ABHD17C: variants seen among roughly 807,000 people sequenced by gnomAD.
The protein encoded by ABHD17C is abhydrolase domain containing 17C, depalmitoylase, also known as alpha/beta hydrolase domain-containing protein 17C.
In ABHD17C, 11 loss-of-function variants were observed where a neutral mutation model predicts 27.9. The observed-to-expected ratio is 0.39, with a 90% CI of 0.25 to 0.65. The LOEUF (loss-of-function observed/expected upper bound fraction) is 0.65, where lower values mean the gene tolerates loss of function less well. Among genes scored for constraint, ABHD17C ranks in the 30% least tolerant of loss-of-function variants. The pLI is 0.45. For missense variants in ABHD17C, 280 were observed against 470.2 expected, an observed-to-expected ratio of 0.60 and a Z score of 3.74; for synonymous variants, 233 against 209.1, an observed-to-expected ratio of 1.11 and a Z score of -0.98.
intron 1 of ABHD17C, among the ~76,000 whole-genome samples, chr15:80,698,219 C>T (rs1894522350): frequency 6.6e-6 from 1 of 151,956 alleles, no homozygotes; most frequent in South Asian, 2.1e-4. Flanking sequence ...CGCCCGCCAC[C>T]GCGTCCGGCT....
chr15:80,723,036 G>C (rs1325852101), intron 1 of ABHD17C, among the ~76,000 whole-genome samples: 1 of 152,146 alleles, frequency 6.6e-6, no homozygotes, highest in Non-Finnish European at 1.5e-5. Context: ...GGTTCTGCGG[G>C]GCTGACTGTG....
Position 80,754,218 on chromosome 15 carries a change from G to T in ABHD17C, c.838G>T (p.Asp280Tyr). Residue 280 changes from aspartate (D) to tyrosine (Y), a missense_variant, in exon 3 of 3, where the codon GAT (aspartate) becomes TAT (tyrosine). By Grantham distance (160) the Asp-to-Tyr change is radical (BLOSUM62 -3). Transcript: ENST00000258884. ...VIHGTEDEVI[D>Y]FSHGLAMYER... The stretch of plus-strand genomic sequence containing the variant: ...TCATGGTACAGAGGATGAGGTCATC[G>T]ATTTCTCCCATGGCCTAGCGATGTA... 6.2e-7 allele frequency: 1 copy of T among 1,613,894 alleles called. No homozygotes were observed. Among genetic ancestry groups the T allele is most frequent in the Non-Finnish European group, 8.5e-7 (1 of 1,179,864 alleles).
chr15:80,707,738 G>T (rs1894668011), intron 1 of ABHD17C, among the ~76,000 whole-genome samples: 1 of 152,114 alleles, frequency 6.6e-6, no homozygotes, highest in Non-Finnish European at 1.5e-5. Flanking sequence ...GTTTGGGAGG[G>T]TCAGGGTTTT....
Position 80,695,330 on chromosome 15 carries a change from G to T in ABHD17C, c.-100G>T. On this transcript the variant is annotated 5_prime_UTR_variant, in exon 1 of 3. Transcript: ENST00000258884. The surrounding 1 kb of genome is among the most constrained non-coding windows in gnomAD (Gnocchi z 4.3). ...CGGGCGGGCTGCAGCCGCCCTCCGC[G>T]CTCGCCTGCCAGCTCCCTCGCCGCG... The T allele has an allele frequency of 1.3e-6, 1 of 795,618 alleles. No homozygotes were observed. Among genetic ancestry groups the T allele is most frequent in the Non-Finnish European group, 1.6e-6 (1 of 632,102 alleles). 49.3% of individuals were successfully genotyped at this position (795,618 alleles called of 1,614,324 possible).
chr15:80,749,948 A>T (rs909208141), intron 2 of ABHD17C, among the ~76,000 whole-genome samples: 3 of 152,150 alleles, frequency 2.0e-5, no homozygotes, highest in African/African-American at 7.2e-5. Context: ...GGGTTAATTG[A>T]TTGAGCTCTA....
At chr15:80,732,717 C>T (rs999345917) in intron 1 of ABHD17C, among the ~76,000 whole-genome samples, 1 of 152,178 alleles carries the variant, frequency 6.6e-6, no homozygotes, top group Admixed American at 6.5e-5. Context: ...AGGGCTGCTT[C>T]GCTGCTTCAT....
chr15:80,702,525 C>T (rs191774568), intron 1 of ABHD17C, among the ~76,000 whole-genome samples: 157 of 152,296 alleles, frequency 1.0e-3, no homozygotes, highest in Non-Finnish European at 2.0e-3. Flanking sequence ...TTAAATCATA[C>T]AGTCCTGAGA....
At chr15:80,697,970 C>T (rs1338134256) in intron 1 of ABHD17C, among the ~76,000 whole-genome samples, 3 of 151,888 alleles carry the variant, frequency 2.0e-5, no homozygotes, top group Non-Finnish European at 2.9e-5. Context: ...CACACATACA[C>T]GTCTGTATCC....
intron 1 of ABHD17C, among the ~76,000 whole-genome samples, chr15:80,709,031 T>G (rs907442965): frequency 2.0e-5 from 3 of 152,216 alleles, no homozygotes; most frequent in Non-Finnish European, 4.4e-5. Context: ...CTGGGAAGTT[T>G]CTGCGAATCT....
chr15:80,750,755 G>A (rs1895355363), intron 2 of ABHD17C, among the ~76,000 whole-genome samples: 1 of 152,090 alleles, frequency 6.6e-6, no homozygotes, highest in Non-Finnish European at 1.5e-5. Context: ...TAGGGCTAAT[G>A]TGCCTCTCAA....
In ABHD17C at chr15:80,695,334, G is replaced by A; in HGVS notation, c.-96G>A. The A allele has an allele frequency of 1.2e-6, 1 of 844,380 alleles. No individual in the cohort carries two copies. The highest frequency in any genetic ancestry group is 1.5e-6 in the Non-Finnish European group (1 of 674,808). 52.3% of individuals were successfully genotyped at this position (844,380 alleles called of 1,614,324 possible). A position where few individuals can be genotyped will look rare whatever the true frequency, so the allele number is the denominator to read the frequency against. ...CGGGCTGCAGCCGCCCTCCGCGCTCGCCTGCCAGCTCCCTCGCCGCGCGTC... is the reference window on the plus strand; with the variant it reads ...CGGGCTGCAGCCGCCCTCCGCGCTCACCTGCCAGCTCCCTCGCCGCGCGTC... On this transcript the variant is annotated 5_prime_UTR_variant, in exon 1 of 3. Coordinates refer to ENST00000258884, the MANE Select transcript of ABHD17C (RefSeq NM_021214.2). This position sits in a 1 kb window ranked among gnomAD's most constrained non-coding sequence, Gnocchi z 4.3.
intron 1 of ABHD17C, among the ~76,000 whole-genome samples, chr15:80,704,089 A>G (rs957776423): frequency 9.2e-5 from 14 of 152,224 alleles, no homozygotes; most frequent in African/African-American, 2.7e-4. Context: ...AAAGCAGTGG[A>G]TGAGGGGAGA....
intron 1 of ABHD17C, among the ~76,000 whole-genome samples, chr15:80,697,149 C>G (rs1283468070): frequency 6.6e-6 from 1 of 151,968 alleles, no homozygotes; most frequent in Non-Finnish European, 1.5e-5. Flanking sequence ...CCTTGCCTGT[C>G]TGGGAAAATG....
chr15:80,697,373 A>G (rs1197389248), intron 1 of ABHD17C, among the ~76,000 whole-genome samples: 1 of 152,250 alleles, frequency 6.6e-6, no homozygotes. Flanking sequence ...TGTGTCACAC[A>G]CAGTCTATAG....
chr15:80,708,524 CCA>C (rs1245432962), intron 1 of ABHD17C, among the ~76,000 whole-genome samples: 1 of 152,202 alleles, frequency 6.6e-6, no homozygotes, highest in Non-Finnish European at 1.5e-5. Context: ...GCCATGTTGG[CCA>C]GACTGGTCTC....
intron 1 of ABHD17C, among the ~76,000 whole-genome samples, chr15:80,740,755 C>T (rs184784175): frequency 1.3e-3 from 191 of 152,242 alleles, no homozygotes; most frequent in South Asian, 1.5e-3. Flanking sequence ...CAGAACCTGC[C>T]GTGGGACCCA....
chr15:80,706,281 A>G (rs539606577), intron 1 of ABHD17C, among the ~76,000 whole-genome samples: 94 of 152,296 alleles, frequency 6.2e-4, no homozygotes, highest in African/African-American at 2.1e-3. Flanking sequence ...TTAAAGGACC[A>G]TGGCTCCATG....
chr15:80,698,203 T>C (rs1184519044), intron 1 of ABHD17C, among the ~76,000 whole-genome samples: 1 of 151,828 alleles, frequency 6.6e-6, no homozygotes, highest in Non-Finnish European at 1.5e-5. Flanking sequence ...TAGCTGGGAC[T>C]ACAGGCGCCC....
intron 1 of ABHD17C, among the ~76,000 whole-genome samples, chr15:80,708,910 T>A (rs757661970): frequency 3.9e-5 from 6 of 152,156 alleles, no homozygotes; most frequent in Non-Finnish European, 8.8e-5. Flanking sequence ...CCCGCAGGCC[T>A]GCAAGGGAGG....
Sources: allele counts gnomAD v4.1 joint callset (sites outside exome capture counted in the v4.1 genomes callset), GRCh38; gene constraint gnomAD v4.1.1; non-coding constraint Gnocchi (gnomAD v3.1); transcripts MANE v1.5; gene names NCBI Gene and HGNC (gene_info 2026-07-23, HGNC 2026-07-21).